DTNB: variants seen among roughly 807,000 people sequenced by gnomAD.
DTNB encodes the protein dystrobrevin beta.
A neutral mutation model predicts 90.7 loss-of-function variants in DTNB; 63 were observed. That is an observed-to-expected ratio of 0.69 (90% CI 0.57 to 0.86). DTNB has a LOEUF of 0.86. DTNB is among the 40% of genes least tolerant of loss of function. The pLI is 0.00. For synonymous variants in DTNB, 277 were observed against 286.7 expected (o/e 0.97, Z 0.34); for missense variants, 744 against 807.1 (o/e 0.92, Z 0.95).
intron 8 of DTNB, among the ~76,000 whole-genome samples, chr2:25,571,505 T>C (rs1247231528): frequency 1.3e-5 from 2 of 152,174 alleles, no homozygotes; most frequent in Non-Finnish European, 2.9e-5. Flanking sequence ...TTTCCCTGGA[T>C]TTACAGGTAT....
At chr2:25,574,884 A>T (rs575370356) in intron 8 of DTNB, among the ~76,000 whole-genome samples, 29 of 152,364 alleles carry the variant, frequency 1.9e-4, no homozygotes, top group African/African-American at 7.0e-4. Context: ...GACTTAGTTC[A>T]CAATAGTGCT....
intron 9 of DTNB, among the ~76,000 whole-genome samples, chr2:25,520,191 G>A (rs189631374): frequency 5.3e-5 from 8 of 152,268 alleles, no homozygotes; most frequent in East Asian, 1.9e-4. Flanking sequence ...AGACCAGCCC[G>A]GACAACATGG....
chr2:25,657,727 A>G (rs1242299691), intron 1 of DTNB, among the ~76,000 whole-genome samples: 1 of 152,138 alleles, frequency 6.6e-6, no homozygotes, highest in African/African-American at 2.4e-5. Context: ...TCTCAAACAA[A>G]CAAACAAACA....
chr2:25,435,672 C>T (rs1178203877), intron 12 of DTNB, among the ~76,000 whole-genome samples: 1 of 152,144 alleles, frequency 6.6e-6, no homozygotes, highest in Non-Finnish European at 1.5e-5. Flanking sequence ...TACCACTTTT[C>T]AGCTGTTTTG....
intron 3 of DTNB, among the ~76,000 whole-genome samples, chr2:25,635,719 G>A (rs1399472321): frequency 2.6e-5 from 4 of 152,176 alleles, no homozygotes; most frequent in African/African-American, 9.6e-5. Context: ...TGTTTTGTTG[G>A]TTTTAGTAGA....
chr2:25,462,708 C>CTTTTTTTTTTTTTTT (rs70947890), intron 10 of DTNB, among the ~76,000 whole-genome samples: 2 of 146,098 alleles, frequency 1.4e-5, no homozygotes, highest in Non-Finnish European at 3.0e-5. Context: ...TCAGAACACT[C>CTTTTTTTTTTTTTTT]TTTTTTTTTT....
Position 25,383,863 on chromosome 2 carries a change from C to A in DTNB, c.1852G>T (p.Glu618Ter). 6.2e-7 allele frequency: 1 copy of A among 1,613,908 alleles called. No individual in the cohort carries two copies. Among genetic ancestry groups the A allele is most frequent in the East Asian group, 2.2e-5 (1 of 44,788 alleles). ...CTGTCTTTCCCATTCTGCATCTTCT[C>A]TTCTTCTTCCTCTGCACCTTCCTCT... ...SAEEGAEEEE[E>*]KMQNGKDRG is the part of the protein sequence containing the mutation. Residue 618 changes from glutamate (E) to a stop codon, truncating the protein, a stop_gained, in exon 19 of 21, where the codon GAG (glutamate) becomes TAG (stop). Transcript: ENST00000406818. LOFTEE classifies it high-confidence loss of function.
At chr2:25,421,075 A>G (rs17745923) in intron 15 of DTNB, 29,704 of 152,086 alleles carry the variant, frequency 0.2, 3,613 homozygotes, top group Non-Finnish European at 0.27. Flanking sequence ...TTAAATTGGA[A>G]CAATTCATGC....
rs951424791 is a variant in DTNB, at chr2:25,459,484, T to C, written c.1080-3990A>G. Among the ~76,000 whole-genome samples, 3 of 152,114 alleles carry C rather than the reference T, an allele frequency of 2.0e-5. No individual in the cohort carries two copies. In the East Asian group the frequency reaches 5.8e-4, roughly 29 times the overall value. On this transcript the variant is annotated intron_variant, in intron 10 of 20. Coordinates refer to ENST00000406818, the MANE Select transcript of DTNB (RefSeq NM_021907.5). ...TGAGAAGCTATTGAGAGGTGACATA[T>C]GGTTTTATTTTATTTATTTTATTTC... is the stretch of plus-strand genomic sequence containing the variant.
chr2:25,389,264 G>C (rs1231257428), intron 16 of DTNB, among the ~76,000 whole-genome samples: 1 of 152,254 alleles, frequency 6.6e-6, no homozygotes, highest in Non-Finnish European at 1.5e-5. Context: ...TCCAAGGGTG[G>C]CAGTGTGCAC....
intron 4 of DTNB, among the ~76,000 whole-genome samples, chr2:25,617,198 T>C (rs1463059382): frequency 6.6e-6 from 1 of 152,198 alleles, no homozygotes; most frequent in African/African-American, 2.4e-5. Flanking sequence ...TCAGGGGATA[T>C]GCACCAAAGT....
intron 6 of DTNB, among the ~76,000 whole-genome samples, chr2:25,594,271 T>A (rs772092272): frequency 6.6e-6 from 1 of 152,208 alleles, no homozygotes; most frequent in Non-Finnish European, 1.5e-5. Flanking sequence ...ATATTTTTAA[T>A]ATGCTAAAAG....
intron 9 of DTNB, among the ~76,000 whole-genome samples, chr2:25,519,883 T>C (rs988616382): frequency 6.6e-6 from 1 of 152,134 alleles, no homozygotes; most frequent in African/African-American, 2.4e-5. Context: ...AAGAAAAAAG[T>C]ATCATCTTGT....
chr2:25,616,829 G>A (rs1425215967), intron 4 of DTNB, among the ~76,000 whole-genome samples: 7 of 150,046 alleles, frequency 4.7e-5, no homozygotes, highest in African/African-American at 1.2e-4. Context: ...CTACTCAGGA[G>A]GCTGAGGCAG....
chr2:25,483,066 C>T (rs1420981987), intron 9 of DTNB, among the ~76,000 whole-genome samples, 193 bp from the exon 10 acceptor site: 1 of 151,536 alleles, frequency 6.6e-6, no homozygotes, highest in Non-Finnish European at 1.5e-5. Context: ...GGGGGGGAAC[C>T]CTTGGGGAGG....
chr2:25,628,447 G>A (rs1014198522), intron 3 of DTNB, 63 bp from the exon 4 acceptor site: 28 of 1,462,348 alleles, frequency 1.9e-5, no homozygotes, highest in Non-Finnish European at 2.5e-5. Context: ...TTCACAATAG[G>A]AATCTAAAAT....
intron 10 of DTNB, among the ~76,000 whole-genome samples, chr2:25,480,770 G>C (rs1249808433): frequency 6.6e-6 from 1 of 152,178 alleles, no homozygotes; most frequent in African/African-American, 2.4e-5. Flanking sequence ...TGAATTCTTT[G>C]AATCGGCCAC....
chr2:25,557,245 G>A (rs898535934), intron 8 of DTNB, among the ~76,000 whole-genome samples: 3 of 152,212 alleles, frequency 2.0e-5, no homozygotes, highest in Admixed American at 1.3e-4. Context: ...GAGGGAGTAT[G>A]AGAGTTGGAA....
chr2:25,596,742 A>G (rs1223700594), intron 5 of DTNB, among the ~76,000 whole-genome samples: 1 of 152,250 alleles, frequency 6.6e-6, no homozygotes, highest in East Asian at 1.9e-4. Flanking sequence ...ACACATCTGA[A>G]GGAGCCATAG....
Sources: gnomAD v4.1 joint callset for allele counts (sites outside exome capture counted in the v4.1 genomes callset) on GRCh38, gnomAD v4.1.1 for gene constraint, MANE v1.5 for transcripts, NCBI Gene and HGNC (gene_info 2026-07-23, HGNC 2026-07-21) for gene names.